CDK19: variants seen among roughly 807,000 people sequenced by gnomAD.
CDK19 encodes the protein cyclin dependent kinase 19.
A neutral mutation model predicts 68.3 loss-of-function variants in CDK19; 20 were observed. That is an observed-to-expected ratio of 0.29 (90% CI 0.21 to 0.43). The LOEUF is 0.43. Among genes scored for constraint, CDK19 ranks in the 20% least tolerant of loss-of-function variants. The pLI, the probability that CDK19 is intolerant of heterozygous loss-of-function variation, is 1.00. For missense variants in CDK19, 339 were observed against 623.5 expected, an observed-to-expected ratio of 0.54 and a Z score of 4.86; for synonymous variants, 221 against 222.8, an observed-to-expected ratio of 0.99 and a Z score of 0.07.
rs1047572288 is a variant in CDK19 at position 110,709,355 on chromosome 6, G to A, written c.204+36771C>T. Among the ~76,000 whole-genome samples the A allele has an allele frequency of 3.3e-5, 5 of 152,052 alleles. No individual in the cohort carries two copies. The East Asian group carries it at 7.7e-4, about 23-fold the overall frequency. On this transcript the variant is annotated intron_variant, in intron 2 of 12. Transcript: ENST00000368911. ...AGAAGCCTCAGAAATAACACCTATCGAGGGGTGGAGGGCTGGGGGAGGGAT... is the reference window on the plus strand; with the variant it reads ...AGAAGCCTCAGAAATAACACCTATCAAGGGGTGGAGGGCTGGGGGAGGGAT...
intron 4 of CDK19, chr6:110,643,215 AATAC>A (rs1780321654): frequency 7.8e-7 from 1 of 1,287,202 alleles, no homozygotes; most frequent in African/African-American, 1.5e-5. Context: ...CGAGTAAAAC[AATAC>A]ATTTTCCAGC....
chr6:110,613,304 T>A lies in CDK19; in HGVS notation c.*1231A>T, dbSNP rs922969109. The A allele has an allele frequency of 2.3e-4, 35 of 152,740 alleles. No individual in the cohort carries two copies. Among genetic ancestry groups the A allele is most frequent in the Admixed American group, 2.3e-3 (35 of 15,300 alleles). The allele number at this position is 152,740 out of a possible 1,614,324, so 9.5% of individuals were successfully genotyped here. On this transcript the variant is annotated 3_prime_UTR_variant, in exon 13 of 13. Transcript: ENST00000368911. The stretch of plus-strand genomic sequence containing the variant: ...AGTTTTCTCCTAGGGGCAAAAGAAA[T>A]CATTCAGTGCAATGAAAAAGATTCT...
intron 2 of CDK19, among the ~76,000 whole-genome samples, chr6:110,739,731 A>G (rs1428426017): frequency 6.6e-6 from 1 of 151,708 alleles, no homozygotes; most frequent in Non-Finnish European, 1.5e-5. Flanking sequence ...CCTGGACTCA[A>G]GCAATCCTCC....
Position 110,741,375 on chromosome 6 carries a change from T to C in CDK19, c.204+4751A>G, listed in dbSNP as rs142900792. On this transcript the variant is annotated intron_variant, in intron 2 of 12. Coordinates refer to ENST00000368911, the MANE Select transcript of CDK19 (RefSeq NM_015076.5). ...TACTTGGGTGGCTGAGGTGGTAAAATTGCTTAAACCCAGCAGGTCAAGGCT... is the reference window on the plus strand; with the variant it reads ...TACTTGGGTGGCTGAGGTGGTAAAACTGCTTAAACCCAGCAGGTCAAGGCT... 2.5e-3 allele frequency among the ~76,000 whole-genome samples: 385 copies of C among 151,674 alleles called. 5 individuals carry two copies. The highest frequency in any genetic ancestry group is 2.3e-3 in the East Asian group (12 of 5,164).
In CDK19 at chr6:110,814,789, G is replaced by C. The variant is rs1562311075; in HGVS notation, c.128+220C>G. 6 of 686,254 alleles carry C rather than the reference G, an allele frequency of 8.7e-6. No individual in the cohort carries two copies. In the Admixed American group the frequency reaches 1.3e-4, roughly 14 times the overall value. 42.5% of individuals were successfully genotyped at this position (686,254 alleles called of 1,614,324 possible). ...CCTCTGGGACGGGACCGACGCCTCG[G>C]ACCGGGCTGCGCCGCGGGAGTTCGA... On this transcript the variant is annotated intron_variant, in intron 1 of 12. Transcript: ENST00000368911.
chr6:110,810,198 A>C (rs969998346), intron 1 of CDK19, among the ~76,000 whole-genome samples: 1 of 152,232 alleles, frequency 6.6e-6, no homozygotes, highest in African/African-American at 2.4e-5. Flanking sequence ...GTCTGAATGT[A>C]AATGTCTTTA....
chr6:110,781,095 G>A (rs148992200), intron 1 of CDK19, among the ~76,000 whole-genome samples: 82 of 152,170 alleles, frequency 5.4e-4, no homozygotes, highest in African/African-American at 1.8e-3. Flanking sequence ...TCCATTTTGC[G>A]TTGCTATAAA....
intron 1 of CDK19, among the ~76,000 whole-genome samples, chr6:110,811,109 G>A (rs1583156638): frequency 6.6e-6 from 1 of 152,150 alleles, no homozygotes; most frequent in Non-Finnish European, 1.5e-5. Flanking sequence ...TTTGTAAAAA[G>A]AGGAAATTGA....
At chr6:110,809,694 C>A (rs536136926) in intron 1 of CDK19, among the ~76,000 whole-genome samples, 2 of 152,062 alleles carry the variant, frequency 1.3e-5, no homozygotes, top group African/African-American at 2.4e-5. Flanking sequence ...AATAAACTTG[C>A]GTTTTTAAAG....
intron 1 of CDK19, among the ~76,000 whole-genome samples, chr6:110,784,212 A>G (rs906320659): frequency 9.2e-5 from 14 of 151,938 alleles, no homozygotes; most frequent in African/African-American, 3.4e-4. Flanking sequence ...AGGCAACTCA[A>G]AAAAAACAAG....
intron 1 of CDK19, chr6:110,814,555 G>C: frequency 2.2e-6 from 1 of 456,066 alleles, no homozygotes; most frequent in Non-Finnish European, 4.4e-6. Context: ...CAGGCTCCCC[G>C]GCGAGGTTTC....
intron 1 of CDK19, among the ~76,000 whole-genome samples, chr6:110,766,746 T>C (rs1477804451): frequency 6.6e-6 from 1 of 152,168 alleles, no homozygotes; most frequent in East Asian, 1.9e-4. Flanking sequence ...ATGCCTGTAA[T>C]CGCAGCACTT....
At position 110,751,650 on chromosome 6, in the gene CDK19, G is replaced by A. The variant is rs183691564; in HGVS notation, c.129-5449C>T. On this transcript the variant is annotated intron_variant, in intron 1 of 12. Transcript: ENST00000368911. ...GGAAAAACTGTCTTCCACGAAACCC[G>A]TCCCTGGTCCCAAAAAGGTTGGAGA... 8.5e-5 allele frequency among the ~76,000 whole-genome samples: 13 copies of A among 152,164 alleles called. No individual in the cohort carries two copies. In the East Asian group the frequency reaches 1.5e-3, roughly 18 times the overall value.
At chr6:110,647,066 C>T (rs1264649028) in intron 4 of CDK19, among the ~76,000 whole-genome samples, 1 of 152,032 alleles carries the variant, frequency 6.6e-6, no homozygotes, top group African/African-American at 2.4e-5. Flanking sequence ...ACTATTTCTG[C>T]GCTGTCTACA....
intron 12 of CDK19, among the ~76,000 whole-genome samples, chr6:110,617,706 A>ACAC (rs1778423776): frequency 2.3e-5 from 2 of 85,922 alleles, no homozygotes; most frequent in African/African-American, 4.8e-5. Context: ...CACACACACA[A>ACAC]ATTAGCCGGG....
At position 110,613,700 on chromosome 6, in the gene CDK19, T is replaced by C. The variant is rs2114544410; in HGVS notation, c.*835A>G. 1 of 152,760 alleles carries C rather than the reference T, an allele frequency of 6.5e-6. No homozygotes were observed. Among genetic ancestry groups the C allele is most frequent in the African/African-American group, 2.4e-5 (1 of 41,564 alleles). The allele number at this position is 152,760 out of a possible 1,614,324, so 9.5% of individuals were successfully genotyped here. ...TGCAGTTGTTACTCTCTTCAGCGTT[T>C]TGGTGTGGGCCATCGAGACTGTACA... On this transcript the variant is annotated 3_prime_UTR_variant, in exon 13 of 13. Coordinates refer to ENST00000368911, the MANE Select transcript of CDK19 (RefSeq NM_015076.5).
At chr6:110,772,892 A>G (rs75224730) in intron 1 of CDK19, among the ~76,000 whole-genome samples, 9 of 143,886 alleles carry the variant, frequency 6.3e-5, no homozygotes, top group African/African-American at 2.3e-4. Context: ...CCCTGTCCCA[A>G]AAAAAAAAAA....
intron 1 of CDK19, among the ~76,000 whole-genome samples, chr6:110,747,388 T>C (rs1465015631): frequency 6.6e-6 from 1 of 152,132 alleles, no homozygotes; most frequent in African/African-American, 2.4e-5. Flanking sequence ...ATTCAGGAAA[T>C]AATTAAACAG....
intron 2 of CDK19, among the ~76,000 whole-genome samples, chr6:110,685,118 A>C (rs1461166972): frequency 6.6e-6 from 1 of 152,224 alleles, no homozygotes; most frequent in Non-Finnish European, 1.5e-5. Flanking sequence ...AGCCTGGGCG[A>C]CACAGCGAAA....
Sources: gnomAD v4.1 joint callset for allele counts (sites outside exome capture counted in the v4.1 genomes callset) on GRCh38, gnomAD v4.1.1 for gene constraint, MANE v1.5 for transcripts, NCBI Gene and HGNC (gene_info 2026-07-23, HGNC 2026-07-21) for gene names.